Variants in KMT2C observed in about 807,000 individuals in gnomAD.
The protein encoded by KMT2C is lysine methyltransferase 2C.
A neutral mutation model predicts 507.9 loss-of-function variants in KMT2C; 88 were observed. The observed-to-expected ratio is 0.17, with a 90% CI of 0.15 to 0.21. The LOEUF (loss-of-function observed/expected upper bound fraction) is 0.21, where lower values mean the gene tolerates loss of function less well. Ranked by LOEUF, KMT2C falls within the 10% of genes least tolerant of loss-of-function variation. The pLI, the probability that KMT2C is intolerant of heterozygous loss-of-function variation, is 1.00. For synonymous variants in KMT2C, 2,049 were observed against 2,080.8 expected, an observed-to-expected ratio of 0.98 and a Z score of 0.42; for missense variants, 4,954 against 5,957.8, an observed-to-expected ratio of 0.83 and a Z score of 5.55.
At chr7:152,151,705 A>T in intron 49 of KMT2C, 124 bp from the exon 50 acceptor site, 1 of 659,780 alleles carries the variant, frequency 1.5e-6, no homozygotes, top group South Asian at 3.7e-5. Flanking sequence ...TTTAATTAAT[A>T]AAAAAAATTT....
chr7:152,277,988 C>T (rs1390665458), intron 6 of KMT2C, among the ~76,000 whole-genome samples: 2 of 152,116 alleles, frequency 1.3e-5, no homozygotes, highest in Non-Finnish European at 2.9e-5. Context: ...TGTGTGTGTA[C>T]ACATATATAA....
intron 32 of KMT2C, 74 bp from the exon 33 acceptor site, chr7:152,187,550 T>A: frequency 6.9e-7 from 1 of 1,439,390 alleles, no homozygotes; most frequent in Non-Finnish European, 9.6e-7. Flanking sequence ...ATAGCTTTCA[T>A]TAAAACCTAT....
chr7:152,328,234 T>TGGA (rs1416490543), intron 3 of KMT2C, among the ~76,000 whole-genome samples: 1 of 152,160 alleles, frequency 6.6e-6, no homozygotes, highest in Non-Finnish European at 1.5e-5. Flanking sequence ...CAAAAAATAT[T>TGGA]GGAGGAGGAG....
chr7:152,331,309 C>CAA (rs60887703), intron 2 of KMT2C, among the ~76,000 whole-genome samples: 3 of 136,486 alleles, frequency 2.2e-5, no homozygotes, highest in African/African-American at 8.0e-5. Flanking sequence ...GACCCTGTCT[C>CAA]AAAAAAAAAA....
At chr7:152,356,565 G>A (rs557445243) in intron 2 of KMT2C, among the ~76,000 whole-genome samples, 107 of 148,722 alleles carry the variant, frequency 7.2e-4, no homozygotes, top group African/African-American at 2.6e-3. Context: ...AACAAAGGAC[G>A]AAACTCTGTC....
At chr7:152,415,724 C>T (rs2097728153) in intron 1 of KMT2C, among the ~76,000 whole-genome samples, 2 of 151,894 alleles carry the variant, frequency 1.3e-5, no homozygotes, top group East Asian at 3.9e-4. Context: ...ACTAAAAATA[C>T]AAAAAAATAG....
At chr7:152,387,378 C>T (rs1589649828) in intron 1 of KMT2C, among the ~76,000 whole-genome samples, 1 of 149,514 alleles carries the variant, frequency 6.7e-6, no homozygotes, top group Non-Finnish European at 1.5e-5. Flanking sequence ...ACTGCACCTA[C>T]ATTAATCACA....
At chr7:152,173,262 T>G (rs1333984950) in intron 39 of KMT2C, among the ~76,000 whole-genome samples, 7 of 152,206 alleles carry the variant, frequency 4.6e-5, no homozygotes, top group African/African-American at 1.7e-4. Context: ...AATTTTATAT[T>G]CAATTCTATA....
intron 1 of KMT2C, among the ~76,000 whole-genome samples, chr7:152,417,639 T>C (rs140170156): frequency 2.6e-5 from 4 of 152,224 alleles, no homozygotes; most frequent in African/African-American, 9.6e-5. Context: ...CAAAAAATGC[T>C]TTTTTGTTGT....
chr7:152,352,296 A>G (rs958333068), intron 2 of KMT2C, among the ~76,000 whole-genome samples: 5 of 152,158 alleles, frequency 3.3e-5, no homozygotes, highest in African/African-American at 1.2e-4. Flanking sequence ...CTGTCTCCTG[A>G]TAAGATGTTA....
At chr7:152,300,278 G>A (rs1464180579) in intron 6 of KMT2C, among the ~76,000 whole-genome samples, 1 of 152,186 alleles carries the variant, frequency 6.6e-6, no homozygotes. Flanking sequence ...GTTGGTCCTA[G>A]GCTGGCTTCT....
chr7:152,138,027 A>C lies in KMT2C; in HGVS notation c.14643+769T>G, dbSNP rs1198431316. ...AGAGGAGCACCAACAAAGTCAAGTCACTCAGGTGCCTCACTCCCCAAATGC... is the reference window on the plus strand; with the variant it reads ...AGAGGAGCACCAACAAAGTCAAGTCCCTCAGGTGCCTCACTCCCCAAATGC... On this transcript the variant is annotated intron_variant, in intron 58 of 58. Transcript: ENST00000262189. This position sits in a 1 kb window ranked among gnomAD's most constrained non-coding sequence, Gnocchi z 4.2. The C allele has an allele frequency of 6.6e-6, 1 of 152,184 alleles. No individual in the cohort carries two copies. Among genetic ancestry groups the C allele is most frequent in the Non-Finnish European group, 1.5e-5 (1 of 68,032 alleles). The allele number at this position is 152,184 out of a possible 1,614,324, so 9.4% of individuals were successfully genotyped here.
chr7:152,409,513 C>T (rs866301783), intron 1 of KMT2C, among the ~76,000 whole-genome samples: 46 of 149,502 alleles, frequency 3.1e-4, no homozygotes, highest in African/African-American at 1.1e-3. Flanking sequence ...GTCAGGAGAT[C>T]GAGACCATCC....
intron 51 of KMT2C, among the ~76,000 whole-genome samples, chr7:152,150,578 C>A (rs919483666): frequency 2.0e-5 from 3 of 152,154 alleles, no homozygotes; most frequent in African/African-American, 7.2e-5. Context: ...GGTGCCAATG[C>A]CCTTCAGCCT....
intron 37 of KMT2C, among the ~76,000 whole-genome samples, chr7:152,179,025 C>G (rs1178549310): frequency 6.6e-6 from 1 of 151,924 alleles, no homozygotes; most frequent in Non-Finnish European, 1.5e-5. Context: ...GAGTCTCGTT[C>G]TGTCTCCCAG....
chr7:152,343,450 G>GAAAAA (rs200886066), intron 2 of KMT2C, among the ~76,000 whole-genome samples: 4 of 72,446 alleles, frequency 5.5e-5, no homozygotes, highest in Admixed American at 1.4e-4. Context: ...AAAAGACTGG[G>GAAAAA]AAAAAAAAAA....
chr7:152,143,731 T>C (rs749979491), intron 55 of KMT2C, among the ~76,000 whole-genome samples: 3 of 152,256 alleles, frequency 2.0e-5, no homozygotes, highest in Non-Finnish European at 2.9e-5. Context: ...CACTGAGGTG[T>C]AGTTCTGTGA....
chr7:152,230,715 C>A (rs942377274), intron 16 of KMT2C, among the ~76,000 whole-genome samples: 3 of 152,168 alleles, frequency 2.0e-5, no homozygotes, highest in Admixed American at 2.0e-4. Flanking sequence ...GTCCTGCAAA[C>A]ATAAAATACA....
At chr7:152,262,970 T>C in intron 9 of KMT2C, 46 bp downstream of exon 9, 1 of 1,441,950 alleles carries the variant, frequency 6.9e-7, no homozygotes, top group Non-Finnish European at 9.6e-7. Context: ...GGTCTCCATA[T>C]AAAACATAGA....
Sources: allele counts gnomAD v4.1 joint callset (sites outside exome capture counted in the v4.1 genomes callset), GRCh38; gene constraint gnomAD v4.1.1; non-coding constraint Gnocchi (gnomAD v3.1); transcripts MANE v1.5; gene names NCBI Gene and HGNC (gene_info 2026-07-23, HGNC 2026-07-21).